Variants in LRCH3 observed in about 807,000 individuals in gnomAD.
The protein encoded by LRCH3 is DISP complex protein LRCH3.
A neutral mutation model predicts 104.5 loss-of-function variants in LRCH3; 68 were observed. The observed-to-expected ratio is 0.65, with a 90% CI of 0.54 to 0.80. The LOEUF is 0.80. Ranked by LOEUF, LRCH3 falls within the 30% of genes least tolerant of loss-of-function variation. LRCH3 has a pLI of 0.00. For synonymous variants in LRCH3, 344 were observed against 361.3 expected, an observed-to-expected ratio of 0.95 and a Z score of 0.54; for missense variants, 951 against 953.9, an observed-to-expected ratio of 1.00 and a Z score of 0.04.
intron 1 of LRCH3, among the ~76,000 whole-genome samples, chr3:197,792,258 C>T (rs1291017040): frequency 6.6e-6 from 1 of 151,738 alleles, no homozygotes; most frequent in African/African-American, 2.4e-5. Context: ...TCTTCCACTC[C>T]TCATGTCCTC....
intron 15 of LRCH3, among the ~76,000 whole-genome samples, chr3:197,862,314 G>A (rs888343951): frequency 2.0e-5 from 3 of 152,118 alleles, no homozygotes; most frequent in African/African-American, 7.2e-5. Flanking sequence ...GTTTCAAACC[G>A]AAGGAGAGAA....
At chr3:197,814,368 A>G (rs530294489) in intron 1 of LRCH3, among the ~76,000 whole-genome samples, 1 of 152,360 alleles carries the variant, frequency 6.6e-6, no homozygotes, top group African/African-American at 2.4e-5. Flanking sequence ...GGTCCCTCCC[A>G]CAGCGTGGGG....
chr3:197,850,893 T>A, intron 12 of LRCH3: 1 of 862,558 alleles, frequency 1.2e-6, no homozygotes, highest in Non-Finnish European at 2.0e-6. Flanking sequence ...AACACGAAGA[T>A]TGGAACCTCT....
chr3:197,874,596 C>T (rs532896296), intron 19 of LRCH3, among the ~76,000 whole-genome samples: 2 of 152,170 alleles, frequency 1.3e-5, no homozygotes, highest in South Asian at 4.2e-4. Flanking sequence ...CTGAAACCAT[C>T]CCCCCCAGCT....
chr3:197,835,652 G>T (rs373839575), intron 8 of LRCH3, 22 bp from the exon 9 acceptor site: 959 of 1,575,258 alleles, frequency 6.1e-4, no homozygotes, highest in Non-Finnish European at 4.8e-4. Flanking sequence ...TGTGTGTGTG[G>T]GTGTGTGTGT....
chr3:197,838,075 A>G (rs1278782634), intron 9 of LRCH3, among the ~76,000 whole-genome samples: 1 of 151,116 alleles, frequency 6.6e-6, no homozygotes, highest in Non-Finnish European at 1.5e-5. Flanking sequence ...AAAAAAAACT[A>G]GGGTGGTAAG....
chr3:197,829,567 T>C lies in LRCH3; in HGVS notation c.781T>C (p.Cys261Arg), dbSNP rs928245901. The C allele has an allele frequency of 1.9e-6, 3 of 1,601,678 alleles. No individual in the cohort carries two copies. Among genetic ancestry groups the C allele is most frequent in the Non-Finnish European group, 2.6e-6 (3 of 1,174,132 alleles). Residue 261 changes from cysteine to arginine, a missense_variant, in exon 6 of 21, where the codon TGT (cysteine) becomes CGT (arginine). Physicochemically the swap from Cys to Arg is radical, Grantham distance 180. Transcript: ENST00000425562. ...NPLQSPPAQICIKGKVHIFKY... is the reference protein window; with the variant it reads ...NPLQSPPAQIRIKGKVHIFKY... ...ACATCTGTGTGACTTTATTTAGATA[T>C]GTATAAAAGGCAAAGTCCACATATT...
intron 4 of LRCH3, among the ~76,000 whole-genome samples, 196 bp downstream of exon 4, chr3:197,820,626 T>A (rs976860999): frequency 6.6e-6 from 1 of 151,940 alleles, no homozygotes; most frequent in Non-Finnish European, 1.5e-5. Flanking sequence ...GCCTGGGCAA[T>A]ATAGGGAGTC....
At chr3:197,824,867 G>C (rs1401045418) in intron 4 of LRCH3, among the ~76,000 whole-genome samples, 4 of 151,146 alleles carry the variant, frequency 2.6e-5, no homozygotes, top group Non-Finnish European at 5.9e-5. Flanking sequence ...ACTGCACCTG[G>C]CCTGCTGCCC....
chr3:197,883,508 T>C lies in LRCH3; in HGVS notation c.2209-33T>C, dbSNP rs1439132875. The C allele has an allele frequency of 2.6e-6, 4 of 1,522,948 alleles. No individual in the cohort carries two copies. Among genetic ancestry groups the C allele is most frequent in the Non-Finnish European group, 2.6e-6 (3 of 1,139,050 alleles). 94.3% of individuals were successfully genotyped at this position (1,522,948 alleles called of 1,614,324 possible). ...TATGATATTCATCCGATTTTCTTTT[T>C]TGTTTGTTTTCATGTTACGTTGTCC... is the stretch of plus-strand genomic sequence containing the variant. On this transcript the variant is annotated intron_variant, in intron 20 of 20. Transcript: ENST00000425562. This position sits in a 1 kb window ranked among gnomAD's most constrained non-coding sequence, Gnocchi z 4.2.
chr3:197,828,564 C>G (rs1735511233), intron 5 of LRCH3, among the ~76,000 whole-genome samples: 1 of 151,426 alleles, frequency 6.6e-6, no homozygotes, highest in African/African-American at 2.4e-5. Flanking sequence ...CCAGAATGGT[C>G]TCAATCTCCT....
rs1246274914 is a variant in LRCH3, at chr3:197,885,271, T to A, written c.*1605T>A. 6.6e-6 allele frequency: 1 copy of A among 152,250 alleles called. No individual in the cohort carries two copies. 9.4% of individuals were successfully genotyped at this position (152,250 alleles called of 1,614,324 possible). A position where few individuals can be genotyped will look rare whatever the true frequency, so the allele number is the denominator to read the frequency against. Reference sequence around the variant, plus strand: ...CTCGGAAAAGCCTAGTTTCTTGTATTTCTTTCAGGTAACTGCCAGTTTCTG... The same window carrying A: ...CTCGGAAAAGCCTAGTTTCTTGTATATCTTTCAGGTAACTGCCAGTTTCTG... On this transcript the variant is annotated 3_prime_UTR_variant, in exon 21 of 21. Coordinates refer to ENST00000425562, the MANE Select transcript of LRCH3 (RefSeq NM_001365715.1).
At chr3:197,796,878 C>G (rs1007774373) in intron 1 of LRCH3, among the ~76,000 whole-genome samples, 1 of 152,126 alleles carries the variant, frequency 6.6e-6, no homozygotes. Flanking sequence ...GGGTTGGTAG[C>G]ACATCTAGTG....
intron 1 of LRCH3, among the ~76,000 whole-genome samples, chr3:197,800,323 T>C (rs949474814): frequency 6.6e-6 from 1 of 152,198 alleles, no homozygotes; most frequent in Admixed American, 6.5e-5. Context: ...TATTTAAGAA[T>C]GTCTATACAC....
intron 2 of LRCH3, 78 bp from the exon 3 acceptor site, chr3:197,817,098 A>C: frequency 7.8e-7 from 1 of 1,277,350 alleles, no homozygotes; most frequent in Non-Finnish European, 1.1e-6. Context: ...TATTTTACTG[A>C]GTATAGCGTG....
chr3:197,813,510 ATTTTTT>A (rs57062885), intron 1 of LRCH3, among the ~76,000 whole-genome samples: 16,877 of 66,138 alleles, frequency 0.26, 5,819 homozygotes, highest in East Asian at 0.4. Context: ...GAGGCATATA[ATTTTTT>A]TTTTTTTTTT....
intron 1 of LRCH3, among the ~76,000 whole-genome samples, chr3:197,804,841 A>T (rs1459297852): frequency 6.6e-6 from 1 of 152,174 alleles, no homozygotes; most frequent in African/African-American, 2.4e-5. Context: ...AATAGAACTT[A>T]AAGACATTTC....
chr3:197,836,453 C>T (rs1257070837), intron 9 of LRCH3, among the ~76,000 whole-genome samples: 1 of 152,178 alleles, frequency 6.6e-6, no homozygotes, highest in Non-Finnish European at 1.5e-5. Flanking sequence ...TCTATCTTGT[C>T]AGCATAATAA....
chr3:197,824,876 C>T (rs1734972833), intron 4 of LRCH3, among the ~76,000 whole-genome samples: 1 of 152,106 alleles, frequency 6.6e-6, no homozygotes, highest in South Asian at 2.1e-4. Context: ...GGCCTGCTGC[C>T]CAGCTTTCTT....
Sources: gnomAD v4.1 joint callset for allele counts (sites outside exome capture counted in the v4.1 genomes callset) on GRCh38, gnomAD v4.1.1 for gene constraint, Gnocchi (gnomAD v3.1) non-coding constraint, MANE v1.5 for transcripts, NCBI Gene and HGNC (gene_info 2026-07-23, HGNC 2026-07-21) for gene names.